The following ZFHX3 variants were observed in gnomAD, a reference collection of about 807,000 sequenced individuals.
ZFHX3 encodes the protein zinc finger homeobox 3.
ZFHX3 carries 42 observed loss-of-function variants against 279.1 expected under a neutral mutation model. That is an observed-to-expected ratio of 0.15 (90% CI 0.12 to 0.19). ZFHX3 has a LOEUF of 0.19. ZFHX3 is among the 10% of genes least tolerant of loss of function. The probability of loss-of-function intolerance (pLI) is 1.00; values close to 1 mark genes in which losing one functional copy is unlikely to be tolerated. For missense variants in ZFHX3, 4,981 were observed against 4,754.0 expected (o/e 1.05, Z -1.40); for synonymous variants, 2,293 against 1,957.8 (o/e 1.17, Z -4.52).
At chr16:73,553,450 A>G (rs2066090838) in intron 2 of ZFHX3, among the ~76,000 whole-genome samples, 1 of 152,164 alleles carries the variant, frequency 6.6e-6, no homozygotes, top group African/African-American at 2.4e-5. Context: ...TGTGTGACAG[A>G]AAACGATCTC....
intron 4 of ZFHX3, among the ~76,000 whole-genome samples, chr16:73,299,350 T>C (rs544954483): frequency 6.6e-6 from 1 of 152,310 alleles, no homozygotes; most frequent in African/African-American, 2.4e-5. Flanking sequence ...ATAGAATCTC[T>C]ATCCCCAGCC....
intron 1 of ZFHX3, among the ~76,000 whole-genome samples, chr16:73,871,421 A>G (rs926679011): frequency 1.3e-5 from 2 of 151,994 alleles, no homozygotes; most frequent in East Asian, 1.9e-4. Context: ...TATTAACCCA[A>G]CGTGATTACA....
In ZFHX3 at chr16:73,884,104, G is replaced by C. The variant is rs550068242; in HGVS notation, c.-1608+7547C>G. 9.2e-5 allele frequency among the ~76,000 whole-genome samples: 14 copies of C among 152,260 alleles called. No homozygotes were observed. The South Asian group carries it at 2.7e-3, about 29-fold the overall frequency. On this transcript the variant is annotated intron_variant, in intron 1 of 17. Transcript: ENST00000641206. ...TGTGAAGTAGTTTCCAGCACACTGT[G>C]ATCAGAGCTTGCATATTTTTATACT...
At chr16:73,723,739 A>G (rs1395727872) in intron 1 of ZFHX3, among the ~76,000 whole-genome samples, 1 of 152,194 alleles carries the variant, frequency 6.6e-6, no homozygotes, top group Non-Finnish European at 1.5e-5. Flanking sequence ...GAGTTATATG[A>G]CCCATGAAAC....
intron 1 of ZFHX3, among the ~76,000 whole-genome samples, chr16:73,033,737 G>A (rs876726): frequency 0.014 from 2,169 of 152,164 alleles, 61 homozygotes; most frequent in African/African-American, 0.05. Context: ...ATCCACACCC[G>A]CTTCTCAGCT....
intron 2 of ZFHX3, among the ~76,000 whole-genome samples, chr16:73,467,930 A>G (rs2018600984): frequency 6.6e-6 from 1 of 152,218 alleles, no homozygotes; most frequent in South Asian, 2.1e-4. Flanking sequence ...CTATGAACCC[A>G]GCCTGTGGAA....
At chr16:73,729,565 A>C (rs928465583) in intron 1 of ZFHX3, among the ~76,000 whole-genome samples, 1 of 152,110 alleles carries the variant, frequency 6.6e-6, no homozygotes, top group Admixed American at 6.5e-5. Flanking sequence ...AAAAAAAAAA[A>C]AAAAAACCTG....
At chr16:73,675,068 G>C (rs1019523799) in intron 2 of ZFHX3, among the ~76,000 whole-genome samples, 2 of 152,096 alleles carry the variant, frequency 1.3e-5, no homozygotes, top group African/African-American at 4.8e-5. Flanking sequence ...AGGAAGCTTT[G>C]GGTCTGAGCT....
intron 2 of ZFHX3, among the ~76,000 whole-genome samples, chr16:73,586,869 C>G (rs1054002756): frequency 6.6e-6 from 1 of 152,090 alleles, no homozygotes; most frequent in African/African-American, 2.4e-5. Context: ...AATATATATT[C>G]TATTATAGTC....
chr16:73,674,425 T>A (rs1271766070), intron 2 of ZFHX3, among the ~76,000 whole-genome samples: 5 of 152,124 alleles, frequency 3.3e-5, no homozygotes, highest in Non-Finnish European at 5.9e-5. Context: ...TTGGAAGAGA[T>A]CAAACACACT....
chr16:73,482,646 T>A (rs1242583383), intron 2 of ZFHX3, among the ~76,000 whole-genome samples: 2 of 152,226 alleles, frequency 1.3e-5, no homozygotes, highest in Non-Finnish European at 2.9e-5. Context: ...GTGATTTATG[T>A]TCAATTTGTA....
At chr16:72,881,703 G>C (rs2038475983) in intron 4 of ZFHX3, among the ~76,000 whole-genome samples, 1 of 152,136 alleles carries the variant, frequency 6.6e-6, no homozygotes, top group African/African-American at 2.4e-5. Flanking sequence ...TATGGGAGGG[G>C]TCTGCACACA....
chr16:73,028,522 G>A (rs1964589766), intron 1 of ZFHX3, among the ~76,000 whole-genome samples: 1 of 152,210 alleles, frequency 6.6e-6, no homozygotes, highest in African/African-American at 2.4e-5. Flanking sequence ...GGCTAAGGAT[G>A]CATCAGGCAC....
At chr16:73,315,462 G>C (rs962792801) in intron 4 of ZFHX3, among the ~76,000 whole-genome samples, 1 of 152,100 alleles carries the variant, frequency 6.6e-6, no homozygotes, top group African/African-American at 2.4e-5. Context: ...TTTCACTTTT[G>C]CCAGATTTCC....
At chr16:73,744,525 A>G (rs386465) in intron 1 of ZFHX3, among the ~76,000 whole-genome samples, 10,990 of 152,258 alleles carry the variant, frequency 0.072, 524 homozygotes, top group African/African-American at 0.13. Flanking sequence ...CTAGACAGGT[A>G]TAACAGTGTG....
intron 1 of ZFHX3, among the ~76,000 whole-genome samples, chr16:73,026,246 G>GT (rs1964496072): frequency 7.3e-6 from 1 of 137,142 alleles, no homozygotes; most frequent in Non-Finnish European, 1.5e-5. Flanking sequence ...GCAGGCGCCT[G>GT]TAATCCCAGC....
chr16:72,856,833 G>T (rs754875688), intron 4 of ZFHX3, among the ~76,000 whole-genome samples: 8 of 152,178 alleles, frequency 5.3e-5, no homozygotes, highest in Non-Finnish European at 8.8e-5. Flanking sequence ...TGGTGAAATG[G>T]ATTGTGTCAA....
chr16:73,245,120 C>A (rs1411577030), intron 5 of ZFHX3, among the ~76,000 whole-genome samples: 2 of 152,148 alleles, frequency 1.3e-5, no homozygotes, highest in Admixed American at 6.5e-5. Context: ...TAATTTAGAA[C>A]CTTGCGCTTA....
intron 7 of ZFHX3, among the ~76,000 whole-genome samples, chr16:73,111,985 G>A (rs1483814783): frequency 6.6e-6 from 1 of 151,898 alleles, no homozygotes; most frequent in Non-Finnish European, 1.5e-5. Flanking sequence ...ACCAAGAATC[G>A]CTTTAGAGGG....
Sources: allele counts gnomAD v4.1 joint callset (sites outside exome capture counted in the v4.1 genomes callset), GRCh38; gene constraint gnomAD v4.1.1; transcripts MANE v1.5; gene names NCBI Gene and HGNC (gene_info 2026-07-23, HGNC 2026-07-21).